The following RUNDC3B variants were observed in gnomAD, a reference collection of about 807,000 sequenced individuals.
RUNDC3B encodes the protein RUN domain containing 3B, also known as RUN domain-containing protein 3B.
RUNDC3B carries 33 observed loss-of-function variants against 58.4 expected under a neutral mutation model. That is an observed-to-expected ratio of 0.56 (90% CI 0.43 to 0.75). RUNDC3B has a LOEUF of 0.75. Among genes scored for constraint, RUNDC3B ranks in the 30% least tolerant of loss-of-function variants. The pLI, the probability that RUNDC3B is intolerant of heterozygous loss-of-function variation, is 0.00. For missense variants in RUNDC3B, 501 were observed against 535.7 expected, an observed-to-expected ratio of 0.94 and a Z score of 0.64; for synonymous variants, 193 against 195.2, an observed-to-expected ratio of 0.99 and a Z score of 0.10.
chr7:87,772,497 T>G (rs949901211), intron 7 of RUNDC3B, among the ~76,000 whole-genome samples: 1 of 152,254 alleles, frequency 6.6e-6, no homozygotes, highest in Non-Finnish European at 1.5e-5. Context: ...GTGATGAATT[T>G]TGACTAGTCT....
intron 2 of RUNDC3B, among the ~76,000 whole-genome samples, chr7:87,655,269 C>G (rs1823983716): frequency 6.6e-6 from 1 of 152,124 alleles, no homozygotes; most frequent in African/African-American, 2.4e-5. Flanking sequence ...TATCTCTACT[C>G]CCATGTTCAT....
chr7:87,785,994 G>C (rs1180764000), intron 8 of RUNDC3B, among the ~76,000 whole-genome samples: 1 of 152,158 alleles, frequency 6.6e-6, no homozygotes, highest in Non-Finnish European at 1.5e-5. Context: ...CTTGTGCTAA[G>C]AGATTCTATG....
At chr7:87,676,886 A>G (rs1283993692) in intron 2 of RUNDC3B, among the ~76,000 whole-genome samples, 1 of 152,018 alleles carries the variant, frequency 6.6e-6, no homozygotes, top group African/African-American at 2.4e-5. Context: ...CGATATCACT[A>G]CTCATCAGAG....
chr7:87,788,534 A>C (rs1835345685), intron 8 of RUNDC3B, among the ~76,000 whole-genome samples: 1 of 152,118 alleles, frequency 6.6e-6, no homozygotes, highest in Non-Finnish European at 1.5e-5. Flanking sequence ...ATCTGTGTAC[A>C]GCTTGACTTT....
intron 2 of RUNDC3B, among the ~76,000 whole-genome samples, chr7:87,683,076 CA>C (rs1827089077): frequency 1.3e-5 from 2 of 152,128 alleles, no homozygotes; most frequent in South Asian, 4.1e-4. Context: ...TTTTTATGTA[CA>C]GAGATGGCTT....
At chr7:87,683,458 T>C (rs1827132211) in intron 2 of RUNDC3B, among the ~76,000 whole-genome samples, 1 of 152,222 alleles carries the variant, frequency 6.6e-6, no homozygotes, top group African/African-American at 2.4e-5. Flanking sequence ...GTGAGATATA[T>C]GCCACTCTTC....
intron 6 of RUNDC3B, among the ~76,000 whole-genome samples, chr7:87,766,360 T>C (rs935999095): frequency 2.3e-4 from 35 of 152,160 alleles, no homozygotes; most frequent in African/African-American, 8.4e-4. Flanking sequence ...TGGACGTATG[T>C]ATGCATTTAT....
chr7:87,825,361 C>G (rs538514719), intron 10 of RUNDC3B, among the ~76,000 whole-genome samples: 1 of 152,204 alleles, frequency 6.6e-6, no homozygotes, highest in Non-Finnish European at 1.5e-5. Flanking sequence ...GCAGCTTCCA[C>G]GTGGTGTTGA....
intron 2 of RUNDC3B, among the ~76,000 whole-genome samples, chr7:87,676,852 C>T (rs1409157986): frequency 6.6e-6 from 1 of 151,920 alleles, no homozygotes; most frequent in Non-Finnish European, 1.5e-5. Context: ...ATACAGATGG[C>T]CAACTGATAT....
intron 2 of RUNDC3B, among the ~76,000 whole-genome samples, chr7:87,658,798 C>T (rs1824398102): frequency 6.6e-6 from 1 of 152,190 alleles, no homozygotes; most frequent in Admixed American, 6.5e-5. Flanking sequence ...TTAAGACCTT[C>T]TCACAGGAAA....
At chr7:87,710,257 GTTATATC>G (rs1485732614) in intron 3 of RUNDC3B, among the ~76,000 whole-genome samples, 2 of 152,076 alleles carry the variant, frequency 1.3e-5, no homozygotes, top group African/African-American at 2.4e-5. Flanking sequence ...GAAGTAGAGA[GTTATATC>G]TTATATAATT....
intron 2 of RUNDC3B, among the ~76,000 whole-genome samples, chr7:87,655,893 A>C (rs1368083147): frequency 2.0e-5 from 3 of 152,148 alleles, no homozygotes; most frequent in African/African-American, 7.2e-5. Context: ...AAAGGGCTTG[A>C]CAGAGGGAGT....
intron 8 of RUNDC3B, among the ~76,000 whole-genome samples, chr7:87,783,234 TATCATTATGTAATGACCGTA>T (rs1250921128): frequency 6.6e-6 from 1 of 152,058 alleles, no homozygotes; most frequent in Non-Finnish European, 1.5e-5. Context: ...TTGAACTCTT[TATCATTATGTAATGACCGTA>T]ATGACCTTCT....
intron 8 of RUNDC3B, among the ~76,000 whole-genome samples, chr7:87,806,746 G>GTAATAGT (rs1836454440): frequency 6.6e-6 from 1 of 152,066 alleles, no homozygotes; most frequent in African/African-American, 2.4e-5. Context: ...GTTTTATACT[G>GTAATAGT]CTCAGTGTAG....
chr7:87,750,467 A>G (rs1309631428), intron 6 of RUNDC3B, among the ~76,000 whole-genome samples: 1 of 151,792 alleles, frequency 6.6e-6, no homozygotes, highest in East Asian at 1.9e-4. Flanking sequence ...GACTTCCACA[A>G]TGGTTGAACT....
chr7:87,661,148 G>A (rs1196412775), intron 2 of RUNDC3B, among the ~76,000 whole-genome samples: 2 of 151,868 alleles, frequency 1.3e-5, no homozygotes, highest in East Asian at 3.9e-4. Context: ...TACATAGTAG[G>A]TGTATATATT....
chr7:87,786,967 C>T (rs1019180435), intron 8 of RUNDC3B, among the ~76,000 whole-genome samples: 7 of 151,932 alleles, frequency 4.6e-5, no homozygotes, highest in Non-Finnish European at 8.8e-5. Context: ...TAATTATGGC[C>T]ACTGATCAGA....
At chr7:87,680,395 G>A (rs1474308258) in intron 2 of RUNDC3B, among the ~76,000 whole-genome samples, 3 of 150,906 alleles carry the variant, frequency 2.0e-5, no homozygotes, top group East Asian at 2.0e-4. Context: ...GTATCAAAAT[G>A]TGTAGCATGC....
At chr7:87,816,651 A>T (rs1282795011) in intron 10 of RUNDC3B, among the ~76,000 whole-genome samples, 2 of 152,144 alleles carry the variant, frequency 1.3e-5, no homozygotes, top group Non-Finnish European at 2.9e-5. Context: ...CCACTTCCTC[A>T]TTCTTGAATC....
Sources: allele counts gnomAD v4.1 joint callset (sites outside exome capture counted in the v4.1 genomes callset), GRCh38; gene constraint gnomAD v4.1.1; transcripts MANE v1.5; gene names NCBI Gene and HGNC (gene_info 2026-07-23, HGNC 2026-07-21).